Variants in CUL2 observed in about 807,000 individuals in gnomAD.
CUL2 encodes cullin-2.
CUL2 carries 22 observed loss-of-function variants against 110.2 expected under a neutral mutation model. The observed-to-expected ratio is 0.20, with a 90% confidence interval of 0.14 to 0.28. CUL2 has a LOEUF of 0.28. Ranked by LOEUF, CUL2 falls within the 10% of genes least tolerant of loss-of-function variation. CUL2 has a pLI of 1.00. For missense variants in CUL2, 631 were observed against 905.5 expected (o/e 0.70, Z 3.89); for synonymous variants, 279 against 293.2 (o/e 0.95, Z 0.49).
intron 17 of CUL2, among the ~76,000 whole-genome samples, chr10:35,019,786 A>G (rs2085138235): frequency 6.6e-6 from 1 of 152,212 alleles, no homozygotes; most frequent in Non-Finnish European, 1.5e-5. Flanking sequence ...AAGGCATGAT[A>G]GGATATCACC....
At chr10:35,079,301 G>A (rs1319210896) in intron 1 of CUL2, among the ~76,000 whole-genome samples, 3 of 152,194 alleles carry the variant, frequency 2.0e-5, no homozygotes, top group African/African-American at 7.2e-5. Context: ...ATGAGATGAA[G>A]TGAGGTGAGT....
At chr10:35,097,112 A>G (rs7897457) in intron 2 of CUL2, among the ~76,000 whole-genome samples, 51,320 of 152,038 alleles carry the variant, frequency 0.34, 8,699 homozygotes, top group South Asian at 0.35. Flanking sequence ...GCCCAGCCTC[A>G]TGCCCCTTTT....
chr10:35,039,882 G>T (rs1293484488), intron 8 of CUL2, among the ~76,000 whole-genome samples: 1 of 151,988 alleles, frequency 6.6e-6, no homozygotes, highest in East Asian at 1.9e-4. Context: ...GCCAGGCAAG[G>T]TGGCTCATGC....
chr10:35,013,294 G>A (rs1046112448), intron 19 of CUL2, among the ~76,000 whole-genome samples: 12 of 144,926 alleles, frequency 8.3e-5, no homozygotes, highest in African/African-American at 2.8e-4. Flanking sequence ...GCAGTGAGCC[G>A]AGATCACACC....
intron 1 of CUL2, among the ~76,000 whole-genome samples, chr10:35,088,829 T>G (rs2087127832): frequency 6.6e-6 from 1 of 152,152 alleles, no homozygotes; most frequent in South Asian, 2.1e-4. Context: ...TGCATGCACA[T>G]TGTAGAAATG....
At position 35,025,163 on chromosome 10, in the gene CUL2, C is replaced by T; in HGVS notation, c.1653G>A (p.Arg551=). 6.3e-7 allele frequency: 1 copy of T among 1,574,802 alleles called. No homozygotes were observed. The highest frequency in any genetic ancestry group is 8.6e-7 in the Non-Finnish European group (1 of 1,165,396). ...ACAGATAATGTAACCATGTAAGTTT[C>T]CTTCCACTGAAATGTTGGCTATAAA... is the stretch of plus-strand genomic sequence containing the variant. The part of the protein sequence containing the change: ...ELFYSQHFSG[R]KLTWLHYLCT... Residue 551 remains arginine, a synonymous_variant, in exon 17 of 21, where the codon AGG becomes AGA. Coordinates refer to ENST00000374749, the MANE Select transcript of CUL2 (RefSeq NM_003591.4).
rs144207791 is a variant in CUL2, at chr10:35,049,097, T to C, written c.506+586A>G. Among the ~76,000 whole-genome samples the C allele has an allele frequency of 3.1e-3, 467 of 152,354 alleles. 1 individual carries two copies. Among genetic ancestry groups the C allele is most frequent in the African/African-American group, 0.011 (445 of 41,598 alleles). On this transcript the variant is annotated intron_variant, in intron 6 of 20. Transcript: ENST00000374749. ...CTTCTGAGAGTCTTTGAGCCAGAGC[T>C]AATCCAAGGATGTTCTATTCTAGAC...
chr10:35,053,204 G>T (rs1210057712), intron 5 of CUL2, among the ~76,000 whole-genome samples: 1 of 152,166 alleles, frequency 6.6e-6, no homozygotes, highest in Non-Finnish European at 1.5e-5. Flanking sequence ...AAGTGTGCTT[G>T]ACAGTGCTGG....
chr10:35,107,265 C>T (rs111226391), intron 1 of CUL2, among the ~76,000 whole-genome samples: 21,596 of 151,646 alleles, frequency 0.14, 1,860 homozygotes, highest in East Asian at 0.24. Context: ...TGAGCCACCG[C>T]GCCCAGCTGC....
intron 14 of CUL2, 110 bp from the exon 15 acceptor site, chr10:35,029,750 A>G: frequency 1.4e-6 from 1 of 710,612 alleles, no homozygotes; most frequent in Non-Finnish European, 2.2e-6. Context: ...GTTCTTGCAT[A>G]TACACTTATA....
At chr10:35,122,137 A>G (rs1306194418) in intron 1 of CUL2, among the ~76,000 whole-genome samples, 1 of 152,196 alleles carries the variant, frequency 6.6e-6, no homozygotes, top group Admixed American at 6.5e-5. Flanking sequence ...TACCTTTCTC[A>G]TATATTTAAA....
chr10:35,126,301 C>T (rs1441791276), intron 1 of CUL2, among the ~76,000 whole-genome samples: 1 of 152,204 alleles, frequency 6.6e-6, no homozygotes. Flanking sequence ...ATAAATGACC[C>T]TAAGAAGCAG....
chr10:35,117,927 C>T (rs142857403), intron 1 of CUL2, among the ~76,000 whole-genome samples: 326 of 152,202 alleles, frequency 2.1e-3, no homozygotes, highest in African/African-American at 7.4e-3. Flanking sequence ...ACAGCAAAAA[C>T]GAGCAGAAAG....
intron 1 of CUL2, among the ~76,000 whole-genome samples, chr10:35,086,706 C>A (rs913876561): frequency 2.0e-5 from 3 of 151,856 alleles, no homozygotes; most frequent in African/African-American, 4.9e-5. Flanking sequence ...GGTGACAGAG[C>A]GAACACCATC....
At chr10:35,013,663 C>A (rs779306285) in intron 19 of CUL2, 36 bp downstream of exon 19, 15 of 1,342,068 alleles carry the variant, frequency 1.1e-5, no homozygotes, top group Admixed American at 2.1e-5. Context: ...TTAAATGTTT[C>A]CCCCTCAAAA....
At chr10:35,058,001 G>A (rs1255949296) in intron 4 of CUL2, among the ~76,000 whole-genome samples, 1 of 152,144 alleles carries the variant, frequency 6.6e-6, no homozygotes, top group Non-Finnish European at 1.5e-5. Context: ...AGGAGGCTGA[G>A]GAAGGAGAAT....
At chr10:35,074,069 G>A in intron 1 of CUL2, 1 of 932,366 alleles carries the variant, frequency 1.1e-6, no homozygotes, top group East Asian at 2.6e-5. Flanking sequence ...CATGCTTGGT[G>A]AATACTTACT....
In CUL2 at chr10:35,111,369, A is replaced by G. The variant is rs978312214; in HGVS notation, c.-50-10309T>C. Among the ~76,000 whole-genome samples the G allele has an allele frequency of 2.0e-5, 3 of 151,280 alleles. No homozygotes were observed. In the East Asian group the frequency reaches 5.9e-4, roughly 30 times the overall value. On this transcript the variant is annotated intron_variant, in intron 1 of 5. Coordinates refer to the CUL2 transcript ENST00000685421. ...TGGCCTCAAGTACTTCTCCTGTCCT[A>G]GCTTCCCAAGTAGTTGGAACTACAG...
At chr10:35,066,646 C>A (rs991413651) in intron 2 of CUL2, among the ~76,000 whole-genome samples, 10 of 152,122 alleles carry the variant, frequency 6.6e-5, no homozygotes, top group African/African-American at 2.4e-4. Flanking sequence ...GCAGTATCTA[C>A]GAAATCATGC....
Sources: allele counts gnomAD v4.1 joint callset (sites outside exome capture counted in the v4.1 genomes callset), GRCh38; gene constraint gnomAD v4.1.1; transcripts MANE v1.5; gene names NCBI Gene and HGNC (gene_info 2026-07-23, HGNC 2026-07-21).